Variants in CACNB2 observed in about 807,000 individuals in gnomAD.
The protein encoded by CACNB2 is voltage-dependent L-type calcium channel subunit beta-2.
Under a neutral mutation model 73.3 loss-of-function variants are expected in CACNB2, and 42 were observed. The ratio of observed to expected loss-of-function variants is 0.57; its 90% CI spans 0.45 to 0.74. The LOEUF is 0.74. Among genes scored for constraint, CACNB2 ranks in the 30% least tolerant of loss-of-function variants. The pLI, the probability that CACNB2 is intolerant of heterozygous loss-of-function variation, is 0.00. For synonymous variants in CACNB2, 348 were observed against 310.3 expected (o/e 1.12, Z -1.28); for missense variants, 940 against 853.0 (o/e 1.10, Z -1.27).
intron 3 of CACNB2, among the ~76,000 whole-genome samples, chr10:18,476,151 C>A (rs1439149667): frequency 6.6e-6 from 1 of 152,138 alleles, no homozygotes; most frequent in African/African-American, 2.4e-5. Context: ...GGGTTCCTCC[C>A]CCTTTTAGAC....
chr10:18,494,914 A>T (rs2049698359), intron 3 of CACNB2, among the ~76,000 whole-genome samples: 2 of 152,112 alleles, frequency 1.3e-5, no homozygotes, highest in Non-Finnish European at 2.9e-5. Context: ...TTTTTAAAAA[A>T]AATAAAATGT....
At chr10:18,153,530 G>T (rs935603422) in intron 2 of CACNB2, among the ~76,000 whole-genome samples, 63 of 151,660 alleles carry the variant, frequency 4.2e-4, no homozygotes, top group African/African-American at 1.4e-3. Context: ...AGGAATGCAT[G>T]GCAGATAGTG....
At chr10:18,314,580 GA>G (rs367654799) in intron 2 of CACNB2, among the ~76,000 whole-genome samples, 122 of 145,202 alleles carry the variant, frequency 8.4e-4, no homozygotes, top group African/African-American at 2.8e-3. Context: ...ACATTTGTGA[GA>G]AAAAAAAAAC....
chr10:18,275,365 G>C (rs889008417), intron 2 of CACNB2, among the ~76,000 whole-genome samples: 7 of 152,196 alleles, frequency 4.6e-5, no homozygotes, highest in African/African-American at 1.4e-4. Context: ...GGGAAGGTTA[G>C]CTTCGTAATA....
chr10:18,492,634 AAAAAG>A (rs1430507251), intron 3 of CACNB2, among the ~76,000 whole-genome samples: 118 of 130,312 alleles, frequency 9.1e-4, no homozygotes, highest in African/African-American at 3.9e-3. Flanking sequence ...AAAAAAAAAA[AAAAAG>A]AAAAAAAGAA....
At chr10:18,518,118 T>C (rs2051461439) in intron 7 of CACNB2, among the ~76,000 whole-genome samples, 1 of 152,162 alleles carries the variant, frequency 6.6e-6, no homozygotes, top group Non-Finnish European at 1.5e-5. Flanking sequence ...TTTCTTGAGA[T>C]GAGCAAGAAG....
intron 9 of CACNB2, among the ~76,000 whole-genome samples, chr10:18,519,558 G>T (rs2051633101): frequency 6.6e-6 from 1 of 152,058 alleles, no homozygotes; most frequent in Non-Finnish European, 1.5e-5. Context: ...TCCCCTCTCT[G>T]CTAGAAGTAT....
chr10:18,380,892 G>A (rs1159692676), intron 2 of CACNB2, among the ~76,000 whole-genome samples: 3 of 152,088 alleles, frequency 2.0e-5, no homozygotes, highest in Non-Finnish European at 4.4e-5. Context: ...TAAAGAAAAT[G>A]TGTAGACTTT....
intron 3 of CACNB2, among the ~76,000 whole-genome samples, chr10:18,457,930 A>G (rs907416833): frequency 2.0e-5 from 3 of 152,150 alleles, no homozygotes; most frequent in South Asian, 4.1e-4. Flanking sequence ...TTGGAGAAGT[A>G]CTAAATATAA....
intron 3 of CACNB2, among the ~76,000 whole-genome samples, chr10:18,433,878 TG>T (rs1174747390): frequency 1.0e-5 from 1 of 97,948 alleles, no homozygotes; most frequent in Non-Finnish European, 2.5e-5. Context: ...CAGATTTTGT[TG>T]TTGTTGTTGT....
At chr10:18,158,544 T>A (rs993042280) in intron 2 of CACNB2, among the ~76,000 whole-genome samples, 3 of 152,146 alleles carry the variant, frequency 2.0e-5, no homozygotes, top group Non-Finnish European at 4.4e-5. Flanking sequence ...AATGAAAAAA[T>A]TTCATTTATC....
In CACNB2 at chr10:18,416,655, A is replaced by G. The variant is rs1024267274; in HGVS notation, c.333+14612A>G. Among the ~76,000 whole-genome samples, 5 of 152,314 alleles carry G rather than the reference A, an allele frequency of 3.3e-5. No homozygotes were observed. The East Asian group carries it at 7.7e-4, about 23-fold the overall frequency. On this transcript the variant is annotated intron_variant, in intron 3 of 13. Transcript: ENST00000324631. ...TTGAACCCCTGACCTCAGGTGATCCACCAGCCACAGCCTCCCGAAGTTTTC... is the reference window on the plus strand; with the variant it reads ...TTGAACCCCTGACCTCAGGTGATCCGCCAGCCACAGCCTCCCGAAGTTTTC...
intron 2 of CACNB2, among the ~76,000 whole-genome samples, chr10:18,258,251 T>C (rs960356173): frequency 6.6e-6 from 1 of 152,250 alleles, no homozygotes; most frequent in Non-Finnish European, 1.5e-5. Context: ...CTCTCTCATA[T>C]TGTGTATAAA....
intron 2 of CACNB2, chr10:18,256,943 C>G (rs1411983484): frequency 2.0e-5 from 3 of 152,134 alleles, no homozygotes; most frequent in Non-Finnish European, 4.4e-5. Context: ...CAGACCCTGT[C>G]TCAAAAATTA....
At chr10:18,146,947 T>A (rs551565181) in intron 1 of CACNB2, among the ~76,000 whole-genome samples, 1 of 152,282 alleles carries the variant, frequency 6.6e-6, no homozygotes, top group Non-Finnish European at 1.5e-5. Context: ...AGTATTTTGC[T>A]CATGGGAAGT....
chr10:18,394,558 A>C (rs1018963980), intron 2 of CACNB2, among the ~76,000 whole-genome samples: 3 of 152,060 alleles, frequency 2.0e-5, no homozygotes, highest in African/African-American at 7.3e-5. Context: ...TCATTTTACA[A>C]AGGGAGGAAT....
intron 2 of CACNB2, among the ~76,000 whole-genome samples, chr10:18,365,926 A>G (rs2042326923): frequency 6.6e-6 from 1 of 152,210 alleles, no homozygotes; most frequent in South Asian, 2.1e-4. Flanking sequence ...TGGCCTGTGG[A>G]GGGTAGGAAT....
chr10:18,192,657 C>G (rs539169234), intron 2 of CACNB2, among the ~76,000 whole-genome samples: 2 of 152,188 alleles, frequency 1.3e-5, no homozygotes, highest in African/African-American at 4.8e-5. Context: ...TCCCATCCCC[C>G]AGGCCCTGGC....
chr10:18,313,539 C>T (rs955077008), intron 2 of CACNB2, among the ~76,000 whole-genome samples: 1 of 152,044 alleles, frequency 6.6e-6, no homozygotes, highest in Non-Finnish European at 1.5e-5. Flanking sequence ...CAGTTCCTAT[C>T]TTTGGAGCTT....
Sources: allele counts gnomAD v4.1 joint callset (sites outside exome capture counted in the v4.1 genomes callset), GRCh38; gene constraint gnomAD v4.1.1; transcripts MANE v1.5; gene names NCBI Gene and HGNC (gene_info 2026-07-23, HGNC 2026-07-21).